Variants in LINGO2 observed in about 807,000 individuals in gnomAD.
LINGO2 encodes leucine-rich repeat and immunoglobulin-like domain-containing nogo receptor-interacting protein 2.
LINGO2 carries 14 observed loss-of-function variants against 30.6 expected under a neutral mutation model. The observed-to-expected ratio is 0.46, with a 90% CI of 0.30 to 0.72. The LOEUF is 0.72. LINGO2 is among the 30% of genes least tolerant of loss of function. The probability of loss-of-function intolerance (pLI) is 0.07; values close to 1 mark genes in which losing one functional copy is unlikely to be tolerated. For synonymous variants in LINGO2, 317 were observed against 288.5 expected (o/e 1.10, Z -1.00); for missense variants, 729 against 751.7 (o/e 0.97, Z 0.35).
At chr9:28,405,325 G>T (rs10812809) in intron 2 of LINGO2, among the ~76,000 whole-genome samples, 3 of 151,966 alleles carry the variant, frequency 2.0e-5, no homozygotes, top group Non-Finnish European at 4.4e-5. Context: ...AAATAGAATT[G>T]GGTCCTTCAA....
chr9:28,235,201 G>T (rs939404942), intron 4 of LINGO2, among the ~76,000 whole-genome samples: 19 of 152,206 alleles, frequency 1.2e-4, no homozygotes, highest in African/African-American at 4.6e-4. Context: ...ACATTTGGGA[G>T]AAAGTAAGAT....
chr9:29,124,098 A>G, the LINGO2 span, among the ~76,000 whole-genome samples: 2 of 152,210 alleles, frequency 1.3e-5, no homozygotes, highest in Non-Finnish European at 2.9e-5. Flanking sequence ...GGCCTCAGAA[A>G]TAAAACCACA....
intron 4 of LINGO2, among the ~76,000 whole-genome samples, chr9:28,179,449 ATATAC>A (rs1338015918): frequency 7.2e-6 from 1 of 138,206 alleles, no homozygotes; most frequent in East Asian, 2.0e-4. Context: ...TATAGTATAC[ATATAC>A]TATAGTGTAT....
chr9:27,977,710 C>G (rs1235266165), intron 5 of LINGO2, among the ~76,000 whole-genome samples: 2 of 151,694 alleles, frequency 1.3e-5, no homozygotes, highest in Non-Finnish European at 2.9e-5. Flanking sequence ...TTTTCTCCCC[C>G]CATCACATGG....
intron 4 of LINGO2, among the ~76,000 whole-genome samples, chr9:28,053,916 A>G (rs778507005): frequency 3.6e-4 from 55 of 152,106 alleles, no homozygotes; most frequent in Non-Finnish European, 6.2e-4. Flanking sequence ...AGATACTCAA[A>G]TGAAGACAAC....
chr9:28,959,612 T>TCTCACACACA, the LINGO2 span, among the ~76,000 whole-genome samples: 523 of 132,194 alleles, frequency 4.0e-3, 3 homozygotes, highest in African/African-American at 0.012. Context: ...TCTCTCTCCC[T>TCTCACACACA]CACACACACA....
chr9:29,146,839 G>C, the LINGO2 span, among the ~76,000 whole-genome samples: 1 of 152,048 alleles, frequency 6.6e-6, no homozygotes, highest in South Asian at 2.1e-4. Context: ...TCAAATATTG[G>C]CATTTTTAAA....
At chr9:28,627,359 T>C (rs146086041) in intron 1 of LINGO2, among the ~76,000 whole-genome samples, 1 of 152,216 alleles carries the variant, frequency 6.6e-6, no homozygotes, top group African/African-American at 2.4e-5. Context: ...CATAGTTTAC[T>C]TTCTGGCAAC....
At chr9:27,989,831 T>A (rs1821306951) in intron 5 of LINGO2, among the ~76,000 whole-genome samples, 1 of 152,044 alleles carries the variant, frequency 6.6e-6, no homozygotes, top group East Asian at 1.9e-4. Context: ...GCAAGAAAGT[T>A]GTAGAACTGG....
At chr9:28,765,141 C>T in the LINGO2 span, among the ~76,000 whole-genome samples, 1 of 151,744 alleles carries the variant, frequency 6.6e-6, no homozygotes, top group Non-Finnish European at 1.5e-5. Context: ...ATTATAAAAA[C>T]AATCTTAAAA....
At chr9:28,828,817 T>G in the LINGO2 span, among the ~76,000 whole-genome samples, 27 of 152,126 alleles carry the variant, frequency 1.8e-4, no homozygotes, top group Non-Finnish European at 3.4e-4. Flanking sequence ...CAAGTACTAA[T>G]ACACAAGTTT....
the LINGO2 span, among the ~76,000 whole-genome samples, chr9:29,201,300 C>T: frequency 6.6e-6 from 1 of 151,960 alleles, no homozygotes; most frequent in African/African-American, 2.4e-5. Context: ...ATATTTTAGG[C>T]ACAAATTCCA....
chr9:28,010,363 A>C (rs1563909120), intron 5 of LINGO2, among the ~76,000 whole-genome samples: 1 of 152,176 alleles, frequency 6.6e-6, no homozygotes, highest in Non-Finnish European at 1.5e-5. Flanking sequence ...CATAGTTTGT[A>C]ACCTAGACAC....
chr9:27,942,783 AT>A, the LINGO2 span: 1 of 152,298 alleles, frequency 6.6e-6, no homozygotes, highest in East Asian at 1.9e-4. Flanking sequence ...ACACAAAAAA[AT>A]CTAACCACCC....
the LINGO2 span, among the ~76,000 whole-genome samples, chr9:28,870,034 C>A: frequency 3.3e-5 from 5 of 151,456 alleles, no homozygotes; most frequent in East Asian, 3.9e-4. Context: ...AAAAAAAAAA[C>A]CCATAACATG....
chr9:28,513,969 C>T (rs902344868), intron 1 of LINGO2, among the ~76,000 whole-genome samples: 7 of 152,204 alleles, frequency 4.6e-5, no homozygotes, highest in African/African-American at 1.2e-4. Flanking sequence ...CATGTGCTCA[C>T]TTCCTGTCTC....
At chr9:29,151,030 C>T in the LINGO2 span, among the ~76,000 whole-genome samples, 1 of 151,818 alleles carries the variant, frequency 6.6e-6, no homozygotes, top group African/African-American at 2.4e-5. Flanking sequence ...AGGGCACTTA[C>T]AAAGTGAGTC....
the LINGO2 span, among the ~76,000 whole-genome samples, chr9:28,894,265 C>A: frequency 2.0e-5 from 3 of 151,976 alleles, no homozygotes; most frequent in Admixed American, 6.6e-5. Flanking sequence ...GGGTATATAC[C>A]CAGTTTGACA....
intron 4 of LINGO2, among the ~76,000 whole-genome samples, chr9:28,290,681 A>G (rs1016868901): frequency 6.6e-6 from 1 of 152,162 alleles, no homozygotes; most frequent in Non-Finnish European, 1.5e-5. Flanking sequence ...CAAGGAAGCA[A>G]TCATGAGGAG....
Sources: allele counts gnomAD v4.1 joint callset (sites outside exome capture counted in the v4.1 genomes callset), GRCh38; gene constraint gnomAD v4.1.1; transcripts MANE v1.5; gene names NCBI Gene and HGNC (gene_info 2026-07-23, HGNC 2026-07-21).